Variants in SRD5A1 observed in about 807,000 individuals in gnomAD.
The protein encoded by SRD5A1 is 3-oxo-5-alpha-steroid 4-dehydrogenase 1.
Under a neutral mutation model 28.2 loss-of-function variants are expected in SRD5A1, and 22 were observed. The observed-to-expected ratio is 0.78, with a 90% confidence interval of 0.56 to 1.12. The LOEUF (loss-of-function observed/expected upper bound fraction) is 1.12, where lower values mean the gene tolerates loss of function less well. SRD5A1 is among the 50% of genes most tolerant of loss of function. The pLI, the probability that SRD5A1 is intolerant of heterozygous loss-of-function variation, is 0.00. For missense variants in SRD5A1, 300 were observed against 346.7 expected (o/e 0.87, Z 1.07); for synonymous variants, 151 against 135.0 (o/e 1.12, Z -0.82).
chr5:6,649,819 G>T (rs1255529279), intron 1 of SRD5A1, among the ~76,000 whole-genome samples: 1 of 152,120 alleles, frequency 6.6e-6, no homozygotes, highest in Non-Finnish European at 1.5e-5. Context: ...GGAAATGCAG[G>T]AATCACCCAC....
At chr5:6,653,295 G>A (rs767078766) in intron 2 of SRD5A1, among the ~76,000 whole-genome samples, 16 of 152,166 alleles carry the variant, frequency 1.1e-4, no homozygotes, top group Non-Finnish European at 1.6e-4. Flanking sequence ...CTGAGAAGGC[G>A]TTTCAAGATC....
At chr5:6,666,156 CT>C (rs962568901) in intron 4 of SRD5A1, among the ~76,000 whole-genome samples, 28 of 148,480 alleles carry the variant, frequency 1.9e-4, no homozygotes, top group Non-Finnish European at 2.4e-4. Flanking sequence ...TTATAATGTT[CT>C]TTTTTTTTTT....
intron 4 of SRD5A1, among the ~76,000 whole-genome samples, chr5:6,663,175 C>A (rs1739063249): frequency 6.6e-6 from 1 of 152,212 alleles, no homozygotes; most frequent in Non-Finnish European, 1.5e-5. Context: ...GTTCTCTATA[C>A]CACGTCCTTA....
At chr5:6,657,348 C>A (rs961573162) in intron 3 of SRD5A1, among the ~76,000 whole-genome samples, 2 of 152,122 alleles carry the variant, frequency 1.3e-5, no homozygotes, top group African/African-American at 4.8e-5. Flanking sequence ...GGGGAAGAAT[C>A]CTCTCTTTGG....
In SRD5A1 at chr5:6,670,683, T is replaced by A. The variant is rs1447748276; in HGVS notation, c.*2415T>A. On this transcript the variant is annotated 3_prime_UTR_variant, in exon 5 of 5. Coordinates refer to ENST00000274192, the MANE Select transcript of SRD5A1 (RefSeq NM_001047.4). The stretch of plus-strand genomic sequence containing the variant: ...AGAAACAAGTAAGTAGCTAAAATAA[T>A]GTTAGGTAGAAAAAAATAACAAGAA... 2.0e-5 allele frequency: 3 copies of A among 152,124 alleles called. No homozygotes were observed. The highest frequency in any genetic ancestry group is 4.4e-5 in the Non-Finnish European group (3 of 68,040). 9.4% of individuals were successfully genotyped at this position (152,124 alleles called of 1,614,324 possible).
intron 1 of SRD5A1, among the ~76,000 whole-genome samples, chr5:6,636,829 G>A (rs1560992396): frequency 1.3e-5 from 2 of 152,170 alleles, no homozygotes; most frequent in Admixed American, 6.6e-5. Flanking sequence ...TTCCCTTTGA[G>A]TTGAGGAGTA....
intron 1 of SRD5A1, among the ~76,000 whole-genome samples, chr5:6,637,778 T>G (rs1738239971): frequency 6.6e-6 from 1 of 152,220 alleles, no homozygotes. Context: ...CCCAGAGGCC[T>G]CCTCTTTCTG....
intron 4 of SRD5A1, among the ~76,000 whole-genome samples, chr5:6,663,539 C>T (rs181405004): frequency 8.5e-5 from 13 of 152,220 alleles, no homozygotes; most frequent in African/African-American, 2.4e-4. Flanking sequence ...AAAAGGCTTG[C>T]GAGCCATTTG....
At chr5:6,653,779 C>T (rs1738754149) in intron 2 of SRD5A1, among the ~76,000 whole-genome samples, 1 of 152,216 alleles carries the variant, frequency 6.6e-6, no homozygotes, top group African/African-American at 2.4e-5. Flanking sequence ...TTTAAAGTAG[C>T]TCCGCAGATG....
chr5:6,635,283 T>G (rs1738149307), intron 1 of SRD5A1, among the ~76,000 whole-genome samples: 1 of 152,208 alleles, frequency 6.6e-6, no homozygotes, highest in Non-Finnish European at 1.5e-5. Context: ...TAGTGAGTAC[T>G]GTGTGCCTGA....
chr5:6,640,122 G>T (rs1271461190), intron 1 of SRD5A1, among the ~76,000 whole-genome samples: 1 of 152,102 alleles, frequency 6.6e-6, no homozygotes, highest in African/African-American at 2.4e-5. Flanking sequence ...GTGGTGGCTG[G>T]AGCACCTGGG....
intron 1 of SRD5A1, among the ~76,000 whole-genome samples, chr5:6,641,444 G>A (rs79085552): frequency 0.031 from 4,731 of 152,282 alleles, 108 homozygotes; most frequent in Non-Finnish European, 0.045. Flanking sequence ...TCCTTGGAGC[G>A]GAGTGCTAGG....
chr5:6,651,562 G>C (rs1264432370), intron 1 of SRD5A1, among the ~76,000 whole-genome samples: 5 of 152,092 alleles, frequency 3.3e-5, no homozygotes, highest in African/African-American at 1.2e-4. Flanking sequence ...CGAGAGGCTG[G>C]GACAGGAAGA....
intron 4 of SRD5A1, among the ~76,000 whole-genome samples, chr5:6,666,148 A>T (rs1003948004): frequency 2.6e-5 from 4 of 152,142 alleles, no homozygotes; most frequent in African/African-American, 7.2e-5. Context: ...CACTCCATTT[A>T]TAATGTTCTT....
At chr5:6,651,697 A>T in intron 1 of SRD5A1, 145 bp from the exon 2 acceptor site, 1 of 783,962 alleles carries the variant, frequency 1.3e-6, no homozygotes, top group Non-Finnish European at 1.9e-6. Context: ...CTTTTAGCTT[A>T]GATATAATAA....
chr5:6,661,410 AGGT>A (rs1738996435), intron 3 of SRD5A1, among the ~76,000 whole-genome samples: 1 of 150,054 alleles, frequency 6.7e-6, no homozygotes, highest in African/African-American at 2.4e-5. Context: ...AAAAAAAAAA[AGGT>A]AGCCAAAAGC....
chr5:6,663,988 C>G (rs1739087134), intron 4 of SRD5A1, among the ~76,000 whole-genome samples: 1 of 152,182 alleles, frequency 6.6e-6, no homozygotes, highest in South Asian at 2.1e-4. Flanking sequence ...CAGCCAGGAG[C>G]CCCATCTCAT....
Position 6,671,607 on chromosome 5 carries a change from T to C in SRD5A1, c.*3339T>C, listed in dbSNP as rs1329898253. The C allele has an allele frequency of 2.6e-5, 4 of 151,212 alleles. No homozygotes were observed. The highest frequency in any genetic ancestry group is 5.9e-5 in the Non-Finnish European group (4 of 67,818). The allele number at this position is 151,212 out of a possible 1,614,324, so 9.4% of individuals were successfully genotyped here. The stretch of plus-strand genomic sequence containing the variant: ...GAAAACCAAACAACCTATGTTCTCA[T>C]TGATATGTGGGAGCTAAGCTATGAG... On this transcript the variant is annotated 3_prime_UTR_variant, in exon 5 of 5. Transcript: ENST00000274192.
Position 6,673,549 on chromosome 5 carries a change from C to G in SRD5A1, c.*5281C>G. 6.6e-6 allele frequency: 1 copy of G among 152,180 alleles called. No individual in the cohort carries two copies. The highest frequency in any genetic ancestry group is 1.9e-4 in the East Asian group (1 of 5,194). 9.4% of individuals were successfully genotyped at this position (152,180 alleles called of 1,614,324 possible). On this transcript the variant is annotated 3_prime_UTR_variant, in exon 5 of 5. Transcript: ENST00000274192. ...AGATTCCTAAAAAGGTAAACATACT[C>G]TTACTAAACAATCTAGTAGATTTGC...
Sources: allele counts gnomAD v4.1 joint callset (sites outside exome capture counted in the v4.1 genomes callset), GRCh38; gene constraint gnomAD v4.1.1; transcripts MANE v1.5; gene names NCBI Gene and HGNC (gene_info 2026-07-23, HGNC 2026-07-21).